The following CEP112 variants were observed in gnomAD, a reference collection of about 807,000 sequenced individuals.
CEP112 encodes centrosomal protein of 112 kDa.
In CEP112, 127 loss-of-function variants were observed where a neutral mutation model predicts 153.0. The observed-to-expected ratio is 0.83, with a 90% CI of 0.72 to 0.96. CEP112 has a LOEUF of 0.96. Ranked by LOEUF, CEP112 falls within the 40% of genes least tolerant of loss-of-function variation. The pLI is 0.00. For missense variants in CEP112, 1,089 were observed against 1,101.2 expected, an observed-to-expected ratio of 0.99 and a Z score of 0.16; for synonymous variants, 358 against 374.4, an observed-to-expected ratio of 0.96 and a Z score of 0.51.
chr17:65,701,175 G>A (rs1379563037), intron 23 of CEP112, among the ~76,000 whole-genome samples: 2 of 152,128 alleles, frequency 1.3e-5, no homozygotes, highest in Admixed American at 6.5e-5. Flanking sequence ...TGATGGGCCC[G>A]GGGGAATGCA....
intron 17 of CEP112, among the ~76,000 whole-genome samples, 181 bp downstream of exon 17, chr17:66,005,509 T>TA (rs145866371): frequency 0.41 from 62,279 of 151,702 alleles, 14,256 homozygotes; most frequent in East Asian, 0.87. Context: ...ATTTTTCTTT[T>TA]AAAAAAAATT....
chr17:65,999,090 C>G (rs56045541), intron 17 of CEP112, among the ~76,000 whole-genome samples: 1 of 151,814 alleles, frequency 6.6e-6, no homozygotes, highest in African/African-American at 2.4e-5. Flanking sequence ...GAAGTAAAGA[C>G]AAATATTTTA....
chr17:65,809,517 T>G (rs1025253621), intron 21 of CEP112, among the ~76,000 whole-genome samples: 23 of 152,126 alleles, frequency 1.5e-4, no homozygotes, highest in African/African-American at 5.6e-4. Context: ...ATGACAGACG[T>G]GATGGGAAGT....
At chr17:65,827,165 C>T (rs887957463) in intron 21 of CEP112, among the ~76,000 whole-genome samples, 2 of 152,220 alleles carry the variant, frequency 1.3e-5, no homozygotes, top group African/African-American at 4.8e-5. Flanking sequence ...CAGCCACAGA[C>T]TGAAGGCTGC....
intron 24 of CEP112, 40 bp from the exon 25 acceptor site, chr17:65,641,105 T>G: frequency 9.2e-7 from 1 of 1,092,140 alleles, no homozygotes; most frequent in African/African-American, 1.5e-5. Context: ...TTTTACCACA[T>G]AAATGATTGT....
intron 8 of CEP112, 38 bp from the exon 9 acceptor site, chr17:66,070,039 T>C (rs2067255732): frequency 7.9e-7 from 1 of 1,264,420 alleles, no homozygotes; most frequent in Non-Finnish European, 1.1e-6. Flanking sequence ...ATTAATTTAC[T>C]TTCCCTTTGG....
intron 4 of CEP112, among the ~76,000 whole-genome samples, chr17:66,142,240 T>C (rs2070733108): frequency 6.6e-6 from 1 of 152,216 alleles, no homozygotes. Context: ...GAGTACTTTA[T>C]ATAGATTGAA....
chr17:65,707,133 C>T (rs1259177292), intron 23 of CEP112, among the ~76,000 whole-genome samples: 5 of 152,134 alleles, frequency 3.3e-5, no homozygotes, highest in Non-Finnish European at 5.9e-5. Context: ...TCCGGGCTCC[C>T]CTCGGTCTCA....
intron 17 of CEP112, among the ~76,000 whole-genome samples, chr17:66,000,876 C>T: frequency 6.6e-6 from 1 of 152,200 alleles, no homozygotes; most frequent in East Asian, 1.9e-4. Flanking sequence ...TAAGCTGGTC[C>T]ACAACCATGC....
At chr17:66,082,121 A>G (rs2067746146) in intron 8 of CEP112, among the ~76,000 whole-genome samples, 1 of 152,178 alleles carries the variant, frequency 6.6e-6, no homozygotes, top group Admixed American at 6.5e-5. Flanking sequence ...AATTTCTACC[A>G]TCTGTTCTCT....
rs2045603321 is a variant in CEP112 at position 65,649,078 on chromosome 17, ACACACACACACACACACACAC to A, written c.2698-8034_2698-8014del. Reference sequence around the variant, plus strand: ...AACAAACAAACAAACAAACAAACACACACACACACACACACACACACACACACACACACACACACACTGTAT... The same window carrying A: ...AACAAACAAACAAACAAACAAACACAACACACACACACACACACACTGTAT... On this transcript the variant is annotated intron_variant, in intron 24 of 26. Coordinates refer to ENST00000535342, the MANE Select transcript of CEP112 (RefSeq NM_001199165.4). Among the ~76,000 whole-genome samples, 110 of 144,610 alleles carry A rather than the reference ACACACACACACACACACACAC, an allele frequency of 7.6e-4. 1 individual carries two copies. The highest frequency in any genetic ancestry group is 2.7e-3 in the African/African-American group (103 of 38,856). 94.9% of individuals were successfully genotyped at this position (144,610 alleles called of 152,430 possible).
chr17:66,147,533 C>CT (rs984469519), intron 4 of CEP112, among the ~76,000 whole-genome samples: 10 of 151,336 alleles, frequency 6.6e-5, no homozygotes, highest in East Asian at 5.8e-4. Flanking sequence ...TTCAATGTAT[C>CT]TTTTTTTTTA....
chr17:66,159,329 A>G (rs2071591893), intron 4 of CEP112, among the ~76,000 whole-genome samples: 1 of 152,048 alleles, frequency 6.6e-6, no homozygotes, highest in South Asian at 2.1e-4. Flanking sequence ...AAAAAGAGGG[A>G]CTCCTCCCTA....
chr17:65,658,211 T>C (rs923816885), intron 24 of CEP112, among the ~76,000 whole-genome samples: 3 of 152,202 alleles, frequency 2.0e-5, no homozygotes, highest in African/African-American at 7.2e-5. Flanking sequence ...CATCTAAGCC[T>C]GTACTGTGCC....
intron 16 of CEP112, 43 bp from the exon 17 acceptor site, chr17:66,005,812 A>G: frequency 6.5e-7 from 1 of 1,532,256 alleles, no homozygotes; most frequent in Non-Finnish European, 8.9e-7. Flanking sequence ...AAGACGAGTA[A>G]AGTTTACTTC....
intron 21 of CEP112, among the ~76,000 whole-genome samples, chr17:65,787,536 G>A (rs971574005): frequency 2.0e-5 from 3 of 151,980 alleles, no homozygotes; most frequent in Non-Finnish European, 2.9e-5. Context: ...TAAATCTATA[G>A]GTCAAATTGA....
chr17:66,099,129 G>A (rs72837136), intron 6 of CEP112, among the ~76,000 whole-genome samples: 54,796 of 151,986 alleles, frequency 0.36, 10,926 homozygotes, highest in Non-Finnish European at 0.45. Context: ...TTGAAGGAAG[G>A]TTGTTCATGA....
chr17:66,153,829 C>G (rs1028782262), intron 4 of CEP112, among the ~76,000 whole-genome samples: 2 of 151,724 alleles, frequency 1.3e-5, no homozygotes, highest in African/African-American at 4.8e-5. Context: ...AACTAGAGAC[C>G]AGAAAAAACC....
At chr17:66,095,895 T>A (rs1224562050) in intron 8 of CEP112, among the ~76,000 whole-genome samples, 3 of 151,748 alleles carry the variant, frequency 2.0e-5, no homozygotes, top group African/African-American at 7.3e-5. Context: ...GGAAAAACAG[T>A]AAGATCCCAT....
Sources: gnomAD v4.1 joint callset for allele counts (sites outside exome capture counted in the v4.1 genomes callset) on GRCh38, gnomAD v4.1.1 for gene constraint, MANE v1.5 for transcripts, NCBI Gene and HGNC (gene_info 2026-07-23, HGNC 2026-07-21) for gene names.